Variants in ADAMTS17 observed in about 807,000 individuals in gnomAD.
ADAMTS17 encodes A disintegrin and metalloproteinase with thrombospondin motifs 17.
ADAMTS17 carries 113 observed loss-of-function variants against 141.5 expected under a neutral mutation model. The ratio of observed to expected loss-of-function variants is 0.80; its 90% CI spans 0.69 to 0.93. ADAMTS17 has a LOEUF of 0.93. Among genes scored for constraint, ADAMTS17 ranks in the 40% least tolerant of loss-of-function variants. The pLI is 0.00. For synonymous variants in ADAMTS17, 768 were observed against 630.6 expected (o/e 1.22, Z -3.27); for missense variants, 1,659 against 1,517.9 (o/e 1.09, Z -1.54).
At chr15:100,338,267 C>T (rs11247186) in intron 2 of ADAMTS17, among the ~76,000 whole-genome samples, 87,283 of 151,874 alleles carry the variant, frequency 0.57, 28,094 homozygotes, top group Middle Eastern at 0.75. Flanking sequence ...TAAACAGCTA[C>T]GGAATGATCT....
intron 7 of ADAMTS17, among the ~76,000 whole-genome samples, chr15:100,241,186 T>C (rs1340052571): frequency 6.6e-6 from 1 of 152,128 alleles, no homozygotes; most frequent in African/African-American, 2.4e-5. Flanking sequence ...ATGAATCTAA[T>C]ATGGGTGGAG....
chr15:100,214,999 A>T (rs913262612), intron 7 of ADAMTS17, among the ~76,000 whole-genome samples: 2 of 152,198 alleles, frequency 1.3e-5, no homozygotes, highest in Non-Finnish European at 2.9e-5. Context: ...TTACACCTCC[A>T]TTTGGTATCA....
chr15:100,240,856 C>T (rs561512394), intron 7 of ADAMTS17, among the ~76,000 whole-genome samples: 85 of 152,252 alleles, frequency 5.6e-4, no homozygotes, highest in Non-Finnish European at 9.6e-4. Context: ...GACAGAGTCT[C>T]GCTCTGTTGC....
At chr15:100,293,235 G>T (rs980945736) in intron 3 of ADAMTS17, among the ~76,000 whole-genome samples, 2 of 152,148 alleles carry the variant, frequency 1.3e-5, no homozygotes, top group Admixed American at 1.3e-4. Context: ...TCCAAGAAAG[G>T]CCAATGACAG....
At position 100,066,076 on chromosome 15, in the gene ADAMTS17, T is replaced by A. The variant is rs1432426871; in HGVS notation, c.2138-12022A>T. ...GAACTCATTCTTTTTTATGGCTGCA[T>A]AGTATTCCATGGTGTACATGTGCCA... On this transcript the variant is annotated intron_variant, in intron 15 of 21. Transcript: ENST00000268070. Among the ~76,000 whole-genome samples the A allele has an allele frequency of 2.6e-5, 4 of 152,224 alleles. No homozygotes were observed. In the East Asian group the frequency reaches 7.7e-4, roughly 29 times the overall value.
At chr15:100,133,410 T>C in intron 10 of ADAMTS17, 95 bp from the exon 11 acceptor site, 1 of 1,304,546 alleles carries the variant, frequency 7.7e-7, no homozygotes, top group South Asian at 1.3e-5. Flanking sequence ...CTGTTTCAAA[T>C]TTGGGATTCG....
At chr15:100,086,846 G>A (rs2035136087) in intron 15 of ADAMTS17, among the ~76,000 whole-genome samples, 1 of 151,998 alleles carries the variant, frequency 6.6e-6, no homozygotes, top group African/African-American at 2.4e-5. Flanking sequence ...AAAGCAGTGT[G>A]TAGAGGGAAA....
At chr15:100,322,944 A>G (rs549291701) in intron 3 of ADAMTS17, among the ~76,000 whole-genome samples, 223 of 152,086 alleles carry the variant, frequency 1.5e-3, no homozygotes, top group African/African-American at 5.0e-3. Flanking sequence ...AAAATTAGCC[A>G]GGCGTGGTGG....
chr15:100,114,665 G>A (rs56347800), intron 13 of ADAMTS17, among the ~76,000 whole-genome samples: 1,936 of 152,236 alleles, frequency 0.013, 32 homozygotes, highest in African/African-American at 0.043. Flanking sequence ...GATCAAAGGC[G>A]GTGGCACTCT....
chr15:100,022,707 A>C (rs954123518), intron 18 of ADAMTS17, among the ~76,000 whole-genome samples: 2 of 152,202 alleles, frequency 1.3e-5, no homozygotes, highest in Admixed American at 1.3e-4. Flanking sequence ...GCTTTGGATA[A>C]TTCATGTTCT....
rs28636602 is a variant in ADAMTS17 at position 100,152,892 on chromosome 15, C to T, written c.1323-130G>A. The T allele has an allele frequency of 2.8e-3, 3,345 of 1,201,400 alleles. 41 individuals carry two copies. The African/African-American group carries it at 0.029, about 10-fold the overall frequency. The allele number at this position is 1,201,400 out of a possible 1,614,324, so 74.4% of individuals were successfully genotyped here. ...CTCCACGTTCCTTATGGAAAAAGGA[C>T]GCAGGCACTGGACACACAGACTGCG... On this transcript the variant is annotated intron_variant, in intron 9 of 21. Transcript: ENST00000268070.
chr15:100,341,919 C>A lies in ADAMTS17; in HGVS notation c.-20G>T, dbSNP rs569251254. 355 of 1,510,710 alleles carry A rather than the reference C, an allele frequency of 2.3e-4. 3 individuals are homozygous for A. The East Asian group carries it at 4.6e-3, about 20-fold the overall frequency. The allele number at this position is 1,510,710 out of a possible 1,614,324, so 93.6% of individuals were successfully genotyped here. On this transcript the variant is annotated 5_prime_UTR_variant, in exon 1 of 22. Transcript: ENST00000268070. ...ACACATGGTACCCGGGACCGGCAGC[C>A]CCCCCGGACCGTGGCGGCGAAGCAG...
intron 8 of ADAMTS17, among the ~76,000 whole-genome samples, chr15:100,159,692 C>A (rs2039599511): frequency 1.3e-5 from 2 of 152,218 alleles, no homozygotes; most frequent in South Asian, 4.1e-4. Flanking sequence ...CCAGCCTTGG[C>A]AGGCATGGTC....
chr15:100,221,110 A>G (rs2042119455), intron 7 of ADAMTS17, among the ~76,000 whole-genome samples: 1 of 152,166 alleles, frequency 6.6e-6, no homozygotes, highest in African/African-American at 2.4e-5. Flanking sequence ...TTTCCAATTT[A>G]ATACCACCAG....
intron 18 of ADAMTS17, among the ~76,000 whole-genome samples, chr15:100,032,795 T>A (rs1461446892): frequency 1.3e-5 from 2 of 152,204 alleles, no homozygotes; most frequent in Non-Finnish European, 2.9e-5. Flanking sequence ...TGACTAAGCG[T>A]CTCGAAGTCT....
chr15:100,138,124 C>A (rs755659383), intron 10 of ADAMTS17, among the ~76,000 whole-genome samples: 23 of 138,768 alleles, frequency 1.7e-4, no homozygotes, highest in Admixed American at 3.1e-4. Context: ...CAGGTTAAAC[C>A]AGGGAATCTG....
At chr15:100,140,086 C>T (rs985701513) in intron 10 of ADAMTS17, among the ~76,000 whole-genome samples, 2 of 152,180 alleles carry the variant, frequency 1.3e-5, no homozygotes, top group Admixed American at 6.5e-5. Context: ...ACCTCCGCCT[C>T]CTGGGTTCAA....
At chr15:100,136,239 C>T (rs1159581640) in intron 10 of ADAMTS17, among the ~76,000 whole-genome samples, 1 of 151,620 alleles carries the variant, frequency 6.6e-6, no homozygotes, top group Non-Finnish European at 1.5e-5. Context: ...TGTATGATTT[C>T]ATTTACATAC....
At chr15:100,036,380 C>G (rs1289239301) in intron 18 of ADAMTS17, among the ~76,000 whole-genome samples, 1 of 152,188 alleles carries the variant, frequency 6.6e-6, no homozygotes, top group Non-Finnish European at 1.5e-5. Context: ...ATGATAAAGG[C>G]AGCCACTAAA....
Sources: allele counts gnomAD v4.1 joint callset (sites outside exome capture counted in the v4.1 genomes callset), GRCh38; gene constraint gnomAD v4.1.1; transcripts MANE v1.5; gene names NCBI Gene and HGNC (gene_info 2026-07-23, HGNC 2026-07-21).